Variants in ST7 observed in about 807,000 individuals in gnomAD.
The protein encoded by ST7 is suppressor of tumorigenicity 7 protein.
Under a neutral mutation model 78.7 loss-of-function variants are expected in ST7, and 28 were observed. That is an observed-to-expected ratio of 0.36 (90% confidence interval 0.26 to 0.49). The LOEUF (loss-of-function observed/expected upper bound fraction) is 0.49. Among genes scored for constraint, ST7 ranks in the 20% least tolerant of loss-of-function variants. The pLI is 0.99. For synonymous variants in ST7, 247 were observed against 249.6 expected (o/e 0.99, Z 0.10); for missense variants, 418 against 696.0 (o/e 0.60, Z 4.49).
At chr7:116,959,512 C>G in intron 1 of ST7, 1 of 289,916 alleles carries the variant, frequency 3.4e-6, no homozygotes, top group South Asian at 3.3e-5. Context: ...AATGAATATC[C>G]AAGTTACGGT....
chr7:116,958,779 A>G, intron 1 of ST7: 2 of 434,072 alleles, frequency 4.6e-6, no homozygotes, highest in South Asian at 3.4e-5. Context: ...CATTATATCT[A>G]AAAGACCAAT....
chr7:117,051,667 TAAG>T (rs916923740), intron 1 of ST7, among the ~76,000 whole-genome samples: 17 of 152,108 alleles, frequency 1.1e-4, no homozygotes, highest in Non-Finnish European at 2.5e-4. Flanking sequence ...AGTCCTTGTG[TAAG>T]ATGAGAAGTG....
rs369555547 is a variant in ST7, at chr7:117,002,725, T to C, written c.151+49034T>C. ...CACTATGAACCACTGAATGAAGAAA[T>C]TATGCAAATTAATAATAACAAAATC... On this transcript the variant is annotated intron_variant, in intron 1 of 15. Transcript: ENST00000323984. 5.7e-4 allele frequency among the ~76,000 whole-genome samples: 87 copies of C among 151,408 alleles called. No individual in the cohort carries two copies. In the South Asian group the frequency reaches 7.5e-3, roughly 13 times the overall value.
At position 117,020,647 on chromosome 7, in the gene ST7, A is replaced by G. The variant is rs1326796579; in HGVS notation, c.151+66956A>G. 1.9e-6 allele frequency: 3 copies of G among 1,550,622 alleles called. No homozygotes were observed. The African/African-American group carries it at 4.1e-5, about 21-fold the overall frequency. On this transcript the variant is annotated intron_variant, in intron 1 of 15. Transcript: ENST00000323984. ...ATCTTCATGTAAGTAAATGGATCCC[A>G]CTTCTCTGCTATTTAGAAATCTGCT...
chr7:117,156,161 T>C (rs530595986), intron 9 of ST7, among the ~76,000 whole-genome samples: 1 of 152,338 alleles, frequency 6.6e-6, no homozygotes, highest in Admixed American at 6.5e-5. Flanking sequence ...TTTCCATTTT[T>C]CCTTTCCCCA....
intron 4 of ST7, 115 bp downstream of exon 4, chr7:117,129,962 C>A: frequency 4.3e-6 from 3 of 691,946 alleles, no homozygotes; most frequent in South Asian, 2.0e-5. Context: ...GTAGTGCGTC[C>A]ATTTTTTAAT....
chr7:117,039,206 C>A (rs1797075730), intron 1 of ST7, among the ~76,000 whole-genome samples: 1 of 151,976 alleles, frequency 6.6e-6, no homozygotes, highest in Admixed American at 6.6e-5. Context: ...AATTGGAGGC[C>A]AAAAGGCTTG....
At chr7:117,164,834 G>A (rs1011230530) in intron 9 of ST7, among the ~76,000 whole-genome samples, 21 of 115,676 alleles carry the variant, frequency 1.8e-4, no homozygotes, top group African/African-American at 6.7e-4. Context: ...TAAACTTGCA[G>A]CCTTTATTGT....
At chr7:116,977,572 AG>A (rs1287663194) in intron 1 of ST7, among the ~76,000 whole-genome samples, 1 of 152,194 alleles carries the variant, frequency 6.6e-6, no homozygotes, top group Non-Finnish European at 1.5e-5. Flanking sequence ...TTTTATTTTG[AG>A]ACAAGGTTTC....
intron 3 of ST7, among the ~76,000 whole-genome samples, 172 bp from the exon 4 acceptor site, chr7:117,129,621 C>T (rs1157313820): frequency 6.6e-6 from 1 of 151,872 alleles, no homozygotes; most frequent in African/African-American, 2.4e-5. Flanking sequence ...GTCCCGGAGC[C>T]TGAGCCACAT....
chr7:116,956,787 T>C (rs1792524993), intron 1 of ST7: 2 of 376,568 alleles, frequency 5.3e-6, no homozygotes, highest in African/African-American at 2.1e-5. Flanking sequence ...TAACAGGTGC[T>C]ATGATAAGAA....
At chr7:117,141,618 A>G (rs1805304063) in intron 9 of ST7, among the ~76,000 whole-genome samples, 1 of 152,210 alleles carries the variant, frequency 6.6e-6, no homozygotes, top group Non-Finnish European at 1.5e-5. Context: ...TTTTGGCAGT[A>G]AGCAGAGCTA....
intron 1 of ST7, among the ~76,000 whole-genome samples, chr7:117,045,955 A>C (rs1050849713): frequency 1.3e-5 from 2 of 152,230 alleles, no homozygotes; most frequent in African/African-American, 4.8e-5. Context: ...AGCAACCAGC[A>C]TGTGTTGAGC....
intron 1 of ST7, among the ~76,000 whole-genome samples, chr7:117,050,113 G>A (rs1279333103): frequency 6.6e-6 from 1 of 151,802 alleles, no homozygotes; most frequent in Non-Finnish European, 1.5e-5. Context: ...TACTCGGGAG[G>A]CTGAGCCAGG....
At chr7:117,133,921 T>C (rs976833342) in intron 6 of ST7, among the ~76,000 whole-genome samples, 1 of 151,950 alleles carries the variant, frequency 6.6e-6, no homozygotes, top group African/African-American at 2.4e-5. Flanking sequence ...GCAGTTACAG[T>C]TGAACATTTG....
chr7:117,004,825 A>C (rs1476729758), intron 1 of ST7, among the ~76,000 whole-genome samples: 1 of 152,232 alleles, frequency 6.6e-6, no homozygotes, highest in Non-Finnish European at 1.5e-5. Flanking sequence ...TGACAAAGAT[A>C]ACTTATCTTC....
intron 13 of ST7, among the ~76,000 whole-genome samples, chr7:117,217,315 C>T (rs570337252): frequency 7.3e-5 from 11 of 151,004 alleles, no homozygotes; most frequent in African/African-American, 2.7e-4. Flanking sequence ...AAAAAAACTT[C>T]CCACGTAGGT....
intron 1 of ST7, among the ~76,000 whole-genome samples, chr7:117,053,027 A>G (rs1337815706): frequency 6.6e-6 from 1 of 152,202 alleles, no homozygotes; most frequent in Non-Finnish European, 1.5e-5. Flanking sequence ...ACTATTACTC[A>G]AAGACAACAT....
intron 1 of ST7, among the ~76,000 whole-genome samples, chr7:117,051,359 A>G (rs768192613): frequency 6.6e-5 from 10 of 152,208 alleles, no homozygotes; most frequent in Non-Finnish European, 1.5e-4. Context: ...TTGAGATTCA[A>G]GATGTAGGCT....
Sources: gnomAD v4.1 joint callset for allele counts (sites outside exome capture counted in the v4.1 genomes callset) on GRCh38, gnomAD v4.1.1 for gene constraint, MANE v1.5 for transcripts, NCBI Gene and HGNC (gene_info 2026-07-23, HGNC 2026-07-21) for gene names.